The following NTM variants were observed in gnomAD, a reference collection of about 807,000 sequenced individuals.
The protein encoded by NTM is IgLON family member 2.
Under a neutral mutation model 42.1 loss-of-function variants are expected in NTM, and 13 were observed. That is an observed-to-expected ratio of 0.31 (90% confidence interval 0.20 to 0.49). NTM has a LOEUF of 0.49. NTM is among the 20% of genes least tolerant of loss of function. The pLI is 0.99. For missense variants in NTM, 373 were observed against 452.8 expected, an observed-to-expected ratio of 0.82 and a Z score of 1.60; for synonymous variants, 187 against 179.2, an observed-to-expected ratio of 1.04 and a Z score of -0.35.
Position 131,897,997 on chromosome 11 carries a change from G to A in NTM, c.83-13567G>A, listed in dbSNP as rs377550169. 1.7e-4 allele frequency among the ~76,000 whole-genome samples: 26 copies of A among 152,098 alleles called. No homozygotes were observed. In the East Asian group the frequency reaches 1.7e-3, roughly 10 times the overall value. The stretch of plus-strand genomic sequence containing the variant: ...TATAAGATCATTTCTCAAATATTTC[G>A]GATTCAAACCAAGCACCCTGGCTAA... On this transcript the variant is annotated intron_variant, in intron 1 of 8. Transcript: ENST00000683400.
intron 1 of NTM, among the ~76,000 whole-genome samples, chr11:131,848,701 G>A (rs1008522553): frequency 3.3e-5 from 5 of 152,186 alleles, no homozygotes; most frequent in South Asian, 2.1e-4. Context: ...ATCTGTCATC[G>A]CCCTTGGTTC....
At position 131,671,336 on chromosome 11, in the gene NTM, A is replaced by G. The variant is rs1361609662; in HGVS notation, c.83-240228A>G. On this transcript the variant is annotated intron_variant, in intron 1 of 8. Transcript: ENST00000683400. ...CGTCTATACTCATCCTCCCCGCCCA[A>G]CCCCATCACTGCACACTTTATTTAT... 16 of 758,810 alleles carry G rather than the reference A, an allele frequency of 2.1e-5. No homozygotes were observed. The East Asian group carries it at 1.7e-3, about 79-fold the overall frequency. The allele number at this position is 758,810 out of a possible 1,614,324, so 47.0% of individuals were successfully genotyped here. A position where few individuals can be genotyped will look rare whatever the true frequency, so the allele number is the denominator to read the frequency against.
At chr11:131,377,278 T>A (rs1031050248) in intron 1 of NTM, among the ~76,000 whole-genome samples, 4 of 152,224 alleles carry the variant, frequency 2.6e-5, no homozygotes, top group Admixed American at 1.3e-4. Context: ...GGATGGGGAA[T>A]GCTGCTGTGA....
At chr11:131,668,447 C>T (rs921906131) in intron 1 of NTM, among the ~76,000 whole-genome samples, 17 of 152,218 alleles carry the variant, frequency 1.1e-4, no homozygotes, top group African/African-American at 4.1e-4. Flanking sequence ...GGGCTGTGGC[C>T]CCTCACCTGC....
intron 2 of NTM, among the ~76,000 whole-genome samples, chr11:131,945,943 A>G (rs907954601): frequency 6.6e-6 from 1 of 152,198 alleles, no homozygotes; most frequent in African/African-American, 2.4e-5. Context: ...AGTATATTCC[A>G]TGCCTGGTCC....
intron 1 of NTM, among the ~76,000 whole-genome samples, chr11:131,473,936 CTTAAAA>C (rs1405137549): frequency 1.3e-5 from 2 of 152,100 alleles, no homozygotes; most frequent in Admixed American, 6.5e-5. Flanking sequence ...TGAGTTTTCC[CTTAAAA>C]TTAAGAATAA....
intron 1 of NTM, among the ~76,000 whole-genome samples, chr11:131,551,801 C>A (rs1000507290): frequency 2.0e-5 from 3 of 152,140 alleles, no homozygotes; most frequent in Non-Finnish European, 4.4e-5. Context: ...AACCCTAGTC[C>A]TCAGGTAACT....
At chr11:131,466,043 C>T (rs143695259) in intron 1 of NTM, among the ~76,000 whole-genome samples, 46 of 152,312 alleles carry the variant, frequency 3.0e-4, no homozygotes, top group African/African-American at 1.0e-3. Flanking sequence ...GAGGAACCTA[C>T]AAGCTTTTGC....
intron 1 of NTM, among the ~76,000 whole-genome samples, chr11:131,714,148 C>A (rs751194267): frequency 3.3e-5 from 5 of 152,106 alleles, no homozygotes; most frequent in Non-Finnish European, 5.9e-5. Context: ...CTCCTGATAT[C>A]GTACCTGGAA....
intron 1 of NTM, among the ~76,000 whole-genome samples, chr11:131,434,439 T>C (rs909778730): frequency 6.6e-6 from 1 of 152,338 alleles, no homozygotes. Context: ...CCACATCCTT[T>C]CCAGCATCTG....
At chr11:132,091,748 C>G (rs1361914279) in intron 2 of NTM, among the ~76,000 whole-genome samples, 4 of 152,178 alleles carry the variant, frequency 2.6e-5, no homozygotes, top group African/African-American at 4.8e-5. Context: ...TCTCAAAGTT[C>G]TGGGATTACA....
At chr11:131,595,499 A>C (rs541390119) in intron 1 of NTM, among the ~76,000 whole-genome samples, 2 of 152,192 alleles carry the variant, frequency 1.3e-5, no homozygotes, top group South Asian at 4.1e-4. Context: ...CAGCTGAGAA[A>C]CTATTATTTT....
chr11:131,912,415 G>A (rs656729), intron 2 of NTM, among the ~76,000 whole-genome samples: 12,596 of 132,758 alleles, frequency 0.095, 569 homozygotes, highest in East Asian at 0.19. Context: ...AGGCACTGGG[G>A]GAGGAGAAGA....
At chr11:131,818,695 C>A (rs1184148975) in intron 1 of NTM, among the ~76,000 whole-genome samples, 1 of 152,132 alleles carries the variant, frequency 6.6e-6, no homozygotes, top group Non-Finnish European at 1.5e-5. Context: ...TTGTGTCAGG[C>A]CTTATCGGTG....
chr11:132,331,060 C>A (rs566216149), intron 8 of NTM, among the ~76,000 whole-genome samples: 1 of 152,216 alleles, frequency 6.6e-6, no homozygotes, highest in South Asian at 2.1e-4. Context: ...AGTGGCACGC[C>A]TGCGGTTCTC....
At chr11:132,332,125 A>G (rs2095811488) in intron 8 of NTM, 3 of 152,272 alleles carry the variant, frequency 2.0e-5, no homozygotes, top group Admixed American at 2.0e-4. Context: ...ACAGGTGGCA[A>G]GGTCCAATTG....
chr11:131,849,966 T>TATAATAATA (rs10605011), intron 1 of NTM, among the ~76,000 whole-genome samples: 66 of 146,772 alleles, frequency 4.5e-4, no homozygotes, highest in African/African-American at 1.2e-3. Flanking sequence ...AAACTTAAAG[T>TATAATAATA]ATAATAATAA....
intron 1 of NTM, chr11:131,371,206 T>A: frequency 3.5e-6 from 2 of 567,742 alleles, no homozygotes; most frequent in Non-Finnish European, 2.2e-6. Flanking sequence ...AGCACACATG[T>A]AAGCAGGGGG....
chr11:132,089,985 G>T (rs1407372830), intron 2 of NTM, among the ~76,000 whole-genome samples: 3 of 152,068 alleles, frequency 2.0e-5, no homozygotes, highest in African/African-American at 7.2e-5. Context: ...ACTTCATGGA[G>T]CCCTTAGTGT....
Sources: gnomAD v4.1 joint callset for allele counts (sites outside exome capture counted in the v4.1 genomes callset) on GRCh38, gnomAD v4.1.1 for gene constraint, MANE v1.5 for transcripts, NCBI Gene and HGNC (gene_info 2026-07-23, HGNC 2026-07-21) for gene names.